ZNF587B: variants seen among roughly 807,000 people sequenced by gnomAD.
ZNF587B encodes zinc finger protein 587B.
ZNF587B carries 6 observed loss-of-function variants against 7.2 expected under a neutral mutation model. The ratio of observed to expected loss-of-function variants is 0.83; its 90% CI spans 0.46 to 1.65. The LOEUF is 1.65. Ranked by LOEUF, ZNF587B falls within the 40% of genes most tolerant of loss-of-function variation. ZNF587B has a pLI of 0.01. For missense variants in ZNF587B, 749 were observed against 761.0 expected (o/e 0.98, Z 0.19); for synonymous variants, 274 against 254.3 (o/e 1.08, Z -0.74).
chr19:57,840,246 A>G (rs1988788306), intron 2 of ZNF587B, among the ~76,000 whole-genome samples: 1 of 152,062 alleles, frequency 6.6e-6, no homozygotes, highest in Admixed American at 6.6e-5. Context: ...ATTCTTGAGA[A>G]CATCACACTT....
rs549869551 is a variant in ZNF587B, at chr19:57,843,887, C to T, written c.*1311C>T. On this transcript the variant is annotated 3_prime_UTR_variant, in exon 3 of 3. Coordinates refer to ENST00000594901, the MANE Select transcript of ZNF587B (RefSeq NM_001376223.1). ...AGTGCTGGGATTACAGTGTGAGCCTCTGCTTCTGGCCTTTTTAAAAATTTT... is the reference window on the plus strand; with the variant it reads ...AGTGCTGGGATTACAGTGTGAGCCTTTGCTTCTGGCCTTTTTAAAAATTTT... Among the ~76,000 whole-genome samples the T allele has an allele frequency of 6.6e-6, 1 of 152,088 alleles. No individual in the cohort carries two copies. Among genetic ancestry groups the T allele is most frequent in the East Asian group, 1.9e-4 (1 of 5,170 alleles).
intron 2 of ZNF587B, 61 bp from the exon 3 acceptor site, chr19:57,840,777 G>A: frequency 5.6e-6 from 9 of 1,601,200 alleles, no homozygotes; most frequent in Non-Finnish European, 7.7e-6. Context: ...TACACTTGTG[G>A]GTGGTCTGTG....
In ZNF587B at chr19:57,842,911, A is replaced by G. The variant is rs902354370; in HGVS notation, c.*335A>G. Reference sequence around the variant, plus strand: ...TTGAATGTAATGTTTGCAAAAAAGCACTGTGCCTTCTGTCATTGAATCCTA... The same window carrying G: ...TTGAATGTAATGTTTGCAAAAAAGCGCTGTGCCTTCTGTCATTGAATCCTA... On this transcript the variant is annotated 3_prime_UTR_variant, in exon 3 of 3. Coordinates refer to ENST00000594901, the MANE Select transcript of ZNF587B (RefSeq NM_001376223.1). 7.1e-6 allele frequency: 7 copies of G among 985,334 alleles called. No individual in the cohort carries two copies. In the African/African-American group the frequency reaches 8.7e-5, roughly 12 times the overall value. 61.0% of individuals were successfully genotyped at this position (985,334 alleles called of 1,614,324 possible).
Position 57,843,600 on chromosome 19 carries a change from GTTTT to G in ZNF587B, c.*1041_*1044del, listed in dbSNP as rs771371494. On this transcript the variant is annotated 3_prime_UTR_variant, in exon 3 of 3. Coordinates refer to ENST00000594901, the MANE Select transcript of ZNF587B (RefSeq NM_001376223.1). Reference sequence around the variant, plus strand: ...GTTGGTTGGTTGGTTGTTTTTTTTTGTTTTTTTTTTTTTTTTTTTTGGAGACAAA... The same window carrying G: ...GTTGGTTGGTTGGTTGTTTTTTTTTGTTTTTTTTTTTTTTTTGGAGACAAA... The G allele has an allele frequency of 5.7e-4, 372 of 647,474 alleles. No homozygotes were observed. The highest frequency in any genetic ancestry group is 6.8e-4 in the South Asian group (9 of 13,218). 40.1% of individuals were successfully genotyped at this position (647,474 alleles called of 1,614,324 possible).
intron 2 of ZNF587B, among the ~76,000 whole-genome samples, chr19:57,839,527 ATATAG>A (rs1222159482): frequency 4.1e-4 from 62 of 152,296 alleles, no homozygotes; most frequent in South Asian, 2.9e-3. Flanking sequence ...ATCACTGCCT[ATATAG>A]ACCAGAGGCT....
In ZNF587B at chr19:57,842,403, C is replaced by A; in HGVS notation, c.1729C>A (p.Pro577Thr). The change falls in exon 3 of 3, where the codon CCT (proline) becomes ACT (threonine). Residue 577 changes from proline to threonine, a missense_variant. This residue lies in a region of ZNF587B where 656 missense variants were observed against 596.5 expected (regional missense o/e 1.10). Transcript: ENST00000594901. ...SHRRVHTGQK[P>T]YECSECGKSF... Reference sequence around the variant, plus strand: ...CAGGAGAGTTCACACTGGTCAGAAGCCTTATGAGTGCAGTGAATGTGGGAA... The same window carrying A: ...CAGGAGAGTTCACACTGGTCAGAAGACTTATGAGTGCAGTGAATGTGGGAA... The A allele has an allele frequency of 6.2e-7, 1 of 1,601,166 alleles. No homozygotes were observed. Among genetic ancestry groups the A allele is most frequent in the Non-Finnish European group, 8.5e-7 (1 of 1,174,808 alleles).
intron 2 of ZNF587B, among the ~76,000 whole-genome samples, chr19:57,839,669 T>G (rs1988762828): frequency 1.3e-5 from 2 of 152,198 alleles, no homozygotes; most frequent in Admixed American, 6.6e-5. Flanking sequence ...TGTGCATCAT[T>G]CATGTCCCAT....
At chr19:57,840,075 C>CAAAAA (rs774635301) in intron 2 of ZNF587B, among the ~76,000 whole-genome samples, 4 of 81,070 alleles carry the variant, frequency 4.9e-5, no homozygotes, top group Admixed American at 1.4e-4. Flanking sequence ...ACTCTGTCTC[C>CAAAAA]AAAAAAAAAA....
chr19:57,831,714 T>A (rs1055387265), intron 1 of ZNF587B, among the ~76,000 whole-genome samples: 2 of 150,948 alleles, frequency 1.3e-5, no homozygotes, highest in South Asian at 2.1e-4. Context: ...ATTTATTTTT[T>A]TTTTTTTTGA....
At chr19:57,840,770 A>T (rs1188787498) in intron 2 of ZNF587B, 68 bp from the exon 3 acceptor site, 5 of 1,604,046 alleles carry the variant, frequency 3.1e-6, no homozygotes, top group East Asian at 2.2e-5. Context: ...TTTCACATAC[A>T]CTTGTGGGTG....
rs777066969 is a variant in ZNF587B, at chr19:57,842,359, G to T, written c.1685G>T (p.Ser562Ile). 6.2e-7 allele frequency: 1 copy of T among 1,604,752 alleles called. No individual in the cohort carries two copies. The highest frequency in any genetic ancestry group is 1.1e-5 in the South Asian group (1 of 89,600). Residue 562 changes from serine (S) to isoleucine (I), a missense_variant, in exon 3 of 3, where the codon AGC becomes ATC. Ser to Ile is a moderately radical substitution (Grantham distance 142). This residue lies in a region of ZNF587B where 656 missense variants were observed against 596.5 expected (regional missense o/e 1.10). Transcript: ENST00000594901. ...CSECGKSFAA[S>I]SYLTSHRRVH... is the part of the protein sequence containing the mutation. ...GAATGTGGGAAATCTTTTGCTGCAAGCTCCTATCTCACTAGTCACAGGAGA... is the reference window on the plus strand; with the variant it reads ...GAATGTGGGAAATCTTTTGCTGCAATCTCCTATCTCACTAGTCACAGGAGA...
chr19:57,838,945 G>T lies in ZNF587B; in HGVS notation c.37-78G>T, dbSNP rs1365453575. On this transcript the variant is annotated intron_variant, in intron 1 of 2. Coordinates refer to ENST00000594901, the MANE Select transcript of ZNF587B (RefSeq NM_001376223.1). ...GACCTTGAGAGGAGGATGTGCGAGA[G>T]TAGATGTGTGGGAGAGATGGATTGT... The T allele has an allele frequency of 2.7e-6, 4 of 1,506,546 alleles. No homozygotes were observed. The African/African-American group carries it at 5.5e-5, about 21-fold the overall frequency. The allele number at this position is 1,506,546 out of a possible 1,614,324, so 93.3% of individuals were successfully genotyped here.
intron 1 of ZNF587B, among the ~76,000 whole-genome samples, chr19:57,836,714 A>C (rs1485980862): frequency 6.6e-6 from 1 of 152,122 alleles, no homozygotes; most frequent in Admixed American, 6.6e-5. Context: ...CTATAATCCT[A>C]GCACTTTAGG....
rs1389952938 is a variant in ZNF587B, at chr19:57,841,049, G to A, written c.375G>A (p.Trp125Ter). ...HKQKLHRCEA[W>*]GNKLYDSGNF... ...AGAAACTGCACAGGTGTGAGGCCTG[G>A]GGGAATAAATTGTATGACAGTGGAA... Residue 125 changes from tryptophan to a stop codon, truncating the protein, a stop_gained, in exon 3 of 3, where the codon TGG becomes TGA. Transcript: ENST00000594901. LOFTEE classifies it low-confidence loss of function (END_TRUNC). 1 of 1,613,168 alleles carries A rather than the reference G, an allele frequency of 6.2e-7. No homozygotes were observed. Among genetic ancestry groups the A allele is most frequent in the Admixed American group, 1.7e-5 (1 of 59,920 alleles).
At chr19:57,838,377 T>G (rs1357886587) in intron 1 of ZNF587B, among the ~76,000 whole-genome samples, 1 of 151,978 alleles carries the variant, frequency 6.6e-6, no homozygotes, top group East Asian at 1.9e-4. Flanking sequence ...CCGAGGCAGA[T>G]GGATCATGAG....
Position 57,845,543 on chromosome 19 carries a change from T to C in ZNF587B, c.*2967T>C, listed in dbSNP as rs1015758291. 1 of 152,164 alleles carries C rather than the reference T, an allele frequency of 6.6e-6. No homozygotes were observed. The highest frequency in any genetic ancestry group is 2.4e-5 in the African/African-American group (1 of 41,420). The allele number at this position is 152,164 out of a possible 1,614,324, so 9.4% of individuals were successfully genotyped here. A position where few individuals can be genotyped will look rare whatever the true frequency, so the allele number is the denominator to read the frequency against. On this transcript the variant is annotated 3_prime_UTR_variant, in exon 3 of 3. Transcript: ENST00000594901. The stretch of plus-strand genomic sequence containing the variant: ...ATGTAGCTTTGTGACCAGCCAGTGA[T>C]CCAGTTCAATCAGGTAGAAATGACC...
chr19:57,840,675 G>A (rs1988805550), intron 2 of ZNF587B, among the ~76,000 whole-genome samples, 163 bp from the exon 3 acceptor site: 1 of 152,118 alleles, frequency 6.6e-6, no homozygotes, highest in African/African-American at 2.4e-5. Flanking sequence ...GACCGTTATA[G>A]TCCAGTAATA....
rs761572535 is a variant in ZNF587B, at chr19:57,841,909, G to A, written c.1235G>A (p.Cys412Tyr). Residue 412 changes from cysteine (C) to tyrosine (Y), a missense_variant, in exon 3 of 3, where the codon TGT becomes TAT. By Grantham distance (194) the Cys-to-Tyr change is radical. Coordinates refer to ENST00000594901, the MANE Select transcript of ZNF587B (RefSeq NM_001376223.1). ...RMHTGERPYK[C>Y]GDCGKSFNEK... Reference sequence around the variant, plus strand: ...CACACTGGAGAAAGACCTTACAAGTGTGGAGACTGTGGGAAATCTTTTAAT... The same window carrying A: ...CACACTGGAGAAAGACCTTACAAGTATGGAGACTGTGGGAAATCTTTTAAT... The A allele has an allele frequency of 7.4e-6, 12 of 1,613,760 alleles. No homozygotes were observed. The highest frequency in any genetic ancestry group is 2.2e-5 in the South Asian group (2 of 91,052).
Position 57,830,409 on chromosome 19 carries a change from CTG to C in ZNF587B, c.-119_-118del. 1 of 1,092,604 alleles carries C rather than the reference CTG, an allele frequency of 9.2e-7. No homozygotes were observed. Among genetic ancestry groups the C allele is most frequent in the Non-Finnish European group, 1.3e-6 (1 of 750,702 alleles). The allele number at this position is 1,092,604 out of a possible 1,614,324, so 67.7% of individuals were successfully genotyped here. A position where few individuals can be genotyped will look rare whatever the true frequency, so the allele number is the denominator to read the frequency against. ...TGTCCTCTGCTGCACAGAGGCGACT[CTG>C]GAGCTCTGTGACGGCGCCAAGCGTG... On this transcript the variant is annotated 5_prime_UTR_variant, in exon 1 of 3. Coordinates refer to ENST00000594901, the MANE Select transcript of ZNF587B (RefSeq NM_001376223.1).
Sources: gnomAD v4.1 joint callset for allele counts (sites outside exome capture counted in the v4.1 genomes callset) on GRCh38, gnomAD v4.1.1 for gene constraint, gnomAD v4.1.1 regional missense constraint, MANE v1.5 for transcripts, NCBI Gene and HGNC (gene_info 2026-07-23, HGNC 2026-07-21) for gene names.